GNAL: variants seen among roughly 807,000 people sequenced by gnomAD.
The protein encoded by GNAL is guanine nucleotide-binding protein G(olf) subunit alpha.
In GNAL, 18 loss-of-function variants were observed where a neutral mutation model predicts 55.1. That is an observed-to-expected ratio of 0.33 (90% CI 0.23 to 0.48). The LOEUF (loss-of-function observed/expected upper bound fraction) is 0.48. Ranked by LOEUF, GNAL falls within the 20% of genes least tolerant of loss-of-function variation. The pLI, the probability that GNAL is intolerant of heterozygous loss-of-function variation, is 0.99. For missense variants in GNAL, 412 were observed against 614.1 expected (o/e 0.67, Z 3.48); for synonymous variants, 253 against 237.0 (o/e 1.07, Z -0.62).
At chr18:11,776,705 C>CT (rs2033794388) in intron 4 of GNAL, among the ~76,000 whole-genome samples, 1 of 123,432 alleles carries the variant, frequency 8.1e-6, no homozygotes, top group Non-Finnish European at 1.6e-5. Context: ...CAGATCCTGC[C>CT]TCAAAAAAAA....
intron 1 of GNAL, among the ~76,000 whole-genome samples, chr18:11,700,105 GAGA>G (rs754178780): frequency 2.0e-5 from 3 of 152,164 alleles, no homozygotes; most frequent in African/African-American, 4.8e-5. Flanking sequence ...GGAGCTGGTG[GAGA>G]AGAAGAGGAC....
At chr18:11,866,669 G>C (rs1308084669) in intron 7 of GNAL, among the ~76,000 whole-genome samples, 5 of 150,202 alleles carry the variant, frequency 3.3e-5, no homozygotes, top group Non-Finnish European at 7.3e-5. Context: ...TCACCAGGCA[G>C]AGGTGGCTAG....
chr18:11,750,849 G>A (rs1421902575), intron 1 of GNAL, among the ~76,000 whole-genome samples: 1 of 152,140 alleles, frequency 6.6e-6, no homozygotes, highest in African/African-American at 2.4e-5. Flanking sequence ...GGACAGAGTT[G>A]AATGTGTTCG....
chr18:11,753,165 T>C (rs1278879335), intron 2 of GNAL, among the ~76,000 whole-genome samples: 1 of 152,138 alleles, frequency 6.6e-6, no homozygotes, highest in East Asian at 1.9e-4. Context: ...CTTGGAGTGT[T>C]GATCTGTATT....
Position 11,868,918 on chromosome 18 carries a change from G to T in GNAL, c.1031+255G>T, listed in dbSNP as rs1249261699. On this transcript the variant is annotated intron_variant, in intron 9 of 11. Transcript: ENST00000334049. This position sits in a 1 kb window ranked among gnomAD's most constrained non-coding sequence, Gnocchi z 4.0. ...GTGACTCAGGAGCTTGAGGTAGGGG[G>T]ATCACTTGAGCCCAGGAGGTAAGGG... Among the ~76,000 whole-genome samples, 2 of 151,992 alleles carry T rather than the reference G, an allele frequency of 1.3e-5. No homozygotes were observed. The highest frequency in any genetic ancestry group is 1.5e-5 in the Non-Finnish European group (1 of 67,974).
rs186859429 is a variant in GNAL, at chr18:11,868,566, G to A, written c.934G>A (p.Ala312Thr). The A allele has an allele frequency of 5.0e-5, 81 of 1,608,524 alleles. No homozygotes were observed. The highest frequency in any genetic ancestry group is 3.0e-4 in the Admixed American group (18 of 59,504). ...AGATGTCACAGCTATCATTTACGTC[G>A]CAGCCTGCAGTAGCTACAACATGGT... ...FNDVTAIIYV[A>T]ACSSYNMVIR... The change falls in exon 9 of 12, where the codon GCA becomes ACA. Residue 312 changes from alanine to threonine, a missense_variant. Transcript: ENST00000334049. This position sits in a 1 kb window ranked among gnomAD's most constrained non-coding sequence, Gnocchi z 4.0.
chr18:11,852,163 C>A, intron 5 of GNAL: 1 of 1,506,758 alleles, frequency 6.6e-7, no homozygotes, highest in South Asian at 1.3e-5. Context: ...TTGAAATGCT[C>A]TCTGTGTGTT....
chr18:11,723,337 C>G (rs2032141497), intron 1 of GNAL, among the ~76,000 whole-genome samples: 1 of 152,232 alleles, frequency 6.6e-6, no homozygotes, highest in African/African-American at 2.4e-5. Flanking sequence ...AAATCATCCT[C>G]TTTTTGTTAT....
chr18:11,821,550 G>A (rs887797055), intron 4 of GNAL, among the ~76,000 whole-genome samples: 8 of 152,234 alleles, frequency 5.3e-5, no homozygotes, highest in Non-Finnish European at 8.8e-5. Flanking sequence ...TATCATGTGA[G>A]TAAGGCCCTT....
At chr18:11,757,718 G>A (rs2033105099) in intron 4 of GNAL, among the ~76,000 whole-genome samples, 1 of 152,162 alleles carries the variant, frequency 6.6e-6, no homozygotes, top group Non-Finnish European at 1.5e-5. Context: ...AGTTGGAGAT[G>A]ACTATTACGA....
intron 11 of GNAL, among the ~76,000 whole-genome samples, chr18:11,878,944 A>G (rs551081089): frequency 1.7e-4 from 24 of 145,228 alleles, no homozygotes; most frequent in African/African-American, 6.1e-4. Context: ...TTTGGGATTA[A>G]AAAGATATAT....
intron 10 of GNAL, among the ~76,000 whole-genome samples, chr18:11,876,216 C>T (rs1186642718): frequency 5.3e-5 from 8 of 152,208 alleles, no homozygotes; most frequent in Non-Finnish European, 1.0e-4. Flanking sequence ...CAGTGACTCA[C>T]GCTTGTAATC....
At position 11,851,958 on chromosome 18, in the gene GNAL, G is replaced by A. The variant is rs777437772; in HGVS notation, c.723-10437G>A. On this transcript the variant is annotated intron_variant, in intron 5 of 11. Coordinates refer to ENST00000334049, the MANE Select transcript of GNAL (RefSeq NM_182978.4). Reference sequence around the variant, plus strand: ...CGCTCACCACTCCCCAGAACCAAGTGGATATGCTGCTCCAGGAAATGGCAG... The same window carrying A: ...CGCTCACCACTCCCCAGAACCAAGTAGATATGCTGCTCCAGGAAATGGCAG... The A allele has an allele frequency of 1.4e-5, 22 of 1,613,952 alleles. No individual in the cohort carries two copies. In the South Asian group the frequency reaches 2.1e-4, roughly 15 times the overall value.
intron 4 of GNAL, among the ~76,000 whole-genome samples, chr18:11,791,275 T>C (rs1246259514): frequency 6.6e-6 from 1 of 152,204 alleles, no homozygotes; most frequent in Non-Finnish European, 1.5e-5. Context: ...CCACAGTTAT[T>C]TTTAAATTTC....
At chr18:11,815,671 A>G (rs2034937136) in intron 4 of GNAL, among the ~76,000 whole-genome samples, 1 of 152,224 alleles carries the variant, frequency 6.6e-6, no homozygotes, top group African/African-American at 2.4e-5. Context: ...CAGATTATAT[A>G]TTTTTAAATG....
intron 1 of GNAL, among the ~76,000 whole-genome samples, chr18:11,699,858 G>A (rs962991164): frequency 2.2e-4 from 34 of 152,284 alleles, no homozygotes; most frequent in African/African-American, 7.9e-4. Flanking sequence ...TGTGGACTCT[G>A]GGTGACAGTC....
intron 4 of GNAL, among the ~76,000 whole-genome samples, chr18:11,759,444 T>C (rs888722542): frequency 2.6e-5 from 4 of 152,272 alleles, no homozygotes; most frequent in African/African-American, 9.6e-5. Flanking sequence ...CATTACCACC[T>C]GGTGTTTCCT....
At chr18:11,880,255 TCAAA>T (rs1297246014) in intron 11 of GNAL, among the ~76,000 whole-genome samples, 1 of 147,984 alleles carries the variant, frequency 6.8e-6, no homozygotes, top group Non-Finnish European at 1.5e-5. Flanking sequence ...AGACTCCATC[TCAAA>T]CAAACAAAAA....
At chr18:11,762,515 C>G (rs903573345) in intron 4 of GNAL, among the ~76,000 whole-genome samples, 11 of 152,202 alleles carry the variant, frequency 7.2e-5, no homozygotes, top group African/African-American at 2.7e-4. Context: ...CCTGGGGACA[C>G]CCATGCAGCT....
Sources: allele counts gnomAD v4.1 joint callset (sites outside exome capture counted in the v4.1 genomes callset), GRCh38; gene constraint gnomAD v4.1.1; non-coding constraint Gnocchi (gnomAD v3.1); transcripts MANE v1.5; gene names NCBI Gene and HGNC (gene_info 2026-07-23, HGNC 2026-07-21).